PAK5: variants seen among roughly 807,000 people sequenced by gnomAD.
PAK5 encodes serine/threonine-protein kinase PAK 5.
In PAK5, 16 loss-of-function variants were observed where a neutral mutation model predicts 65.9. The observed-to-expected ratio is 0.24, with a 90% CI of 0.16 to 0.37. The LOEUF (loss-of-function observed/expected upper bound fraction) is 0.37. Ranked by LOEUF, PAK5 falls within the 10% of genes least tolerant of loss-of-function variation. PAK5 has a pLI of 1.00. For synonymous variants in PAK5, 371 were observed against 354.9 expected (o/e 1.05, Z -0.51); for missense variants, 785 against 903.9 (o/e 0.87, Z 1.69).
chr20:9,559,587 C>T (rs1024973359), intron 6 of PAK5, among the ~76,000 whole-genome samples: 2 of 152,082 alleles, frequency 1.3e-5, no homozygotes, highest in African/African-American at 4.8e-5. Context: ...CATGGTGAAA[C>T]CCTGTCTCTA....
intron 1 of PAK5, among the ~76,000 whole-genome samples, chr20:9,769,085 C>T (rs1385519030): frequency 1.3e-5 from 2 of 152,196 alleles, no homozygotes; most frequent in East Asian, 3.8e-4. Context: ...CCCTTTAACA[C>T]AGTGAGAACA....
rs147680508 is a variant in PAK5 at position 9,798,396 on chromosome 20, C to G, written c.-162+40366G>C. Among the ~76,000 whole-genome samples the G allele has an allele frequency of 3.7e-3, 565 of 152,154 alleles. 3 individuals are homozygous for G. Among genetic ancestry groups the G allele is most frequent in the African/African-American group, 0.013 (551 of 41,516 alleles). On this transcript the variant is annotated intron_variant, in intron 1 of 9. Coordinates refer to ENST00000353224, the MANE Select transcript of PAK5 (RefSeq NM_177990.4). ...TACTGAATGTAGAGGTTAGACTGTA[C>G]AGGATTCAAAGTACAGGGTTGGCCT... is the stretch of plus-strand genomic sequence containing the variant.
At chr20:9,571,208 T>C (rs2045774603) in intron 4 of PAK5, among the ~76,000 whole-genome samples, 1 of 152,246 alleles carries the variant, frequency 6.6e-6, no homozygotes, top group Non-Finnish European at 1.5e-5. Flanking sequence ...AATAGCTGAC[T>C]CTGTGAAGGA....
At chr20:9,635,330 T>C (rs2123240634) in intron 3 of PAK5, among the ~76,000 whole-genome samples, 1 of 152,278 alleles carries the variant, frequency 6.6e-6, no homozygotes, top group Admixed American at 6.5e-5. Context: ...TCATTTTGTA[T>C]TAGGACAATT....
At chr20:9,577,848 TTTG>T (rs777721283) in intron 4 of PAK5, among the ~76,000 whole-genome samples, 4 of 152,198 alleles carry the variant, frequency 2.6e-5, no homozygotes, top group Admixed American at 6.5e-5. Context: ...TTATGCTGTT[TTTG>T]TTGTTGTTGT....
chr20:9,634,290 C>T (rs1286538145), intron 3 of PAK5, among the ~76,000 whole-genome samples: 2 of 152,264 alleles, frequency 1.3e-5, no homozygotes, highest in Non-Finnish European at 2.9e-5. Flanking sequence ...GCCAAGAGGC[C>T]TGGAGGTGTG....
chr20:9,655,096 C>T (rs150865391), intron 2 of PAK5, among the ~76,000 whole-genome samples: 5 of 152,210 alleles, frequency 3.3e-5, no homozygotes, highest in Non-Finnish European at 7.4e-5. Flanking sequence ...ACTTACTCAT[C>T]CAAGCAGTTC....
At chr20:9,782,536 GT>G (rs1484885063) in intron 1 of PAK5, among the ~76,000 whole-genome samples, 1 of 152,286 alleles carries the variant, frequency 6.6e-6, no homozygotes, top group South Asian at 2.1e-4. Context: ...TGACATGTGG[GT>G]GGCAGGCAGT....
chr20:9,778,443 A>T (rs1303679657), intron 1 of PAK5, among the ~76,000 whole-genome samples: 1 of 145,916 alleles, frequency 6.9e-6, no homozygotes, highest in African/African-American at 2.5e-5. Context: ...TCATCGTATT[A>T]CCCACACTGG....
At chr20:9,735,749 G>T (rs578214526) in intron 1 of PAK5, among the ~76,000 whole-genome samples, 1 of 151,894 alleles carries the variant, frequency 6.6e-6, no homozygotes, top group Admixed American at 6.6e-5. Flanking sequence ...CTGGCCAGGC[G>T]CAGTGGATCA....
intron 1 of PAK5, among the ~76,000 whole-genome samples, chr20:9,775,746 T>G (rs2048881055): frequency 6.6e-6 from 1 of 152,182 alleles, no homozygotes; most frequent in Admixed American, 6.5e-5. Context: ...CATACTTTTC[T>G]TTTAGACAGA....
chr20:9,717,377 C>T (rs906980856), intron 1 of PAK5, among the ~76,000 whole-genome samples: 1 of 152,110 alleles, frequency 6.6e-6, no homozygotes, highest in African/African-American at 2.4e-5. Context: ...ATGGCCTATG[C>T]AGAGTACCTG....
chr20:9,743,951 T>A (rs1173842418), intron 1 of PAK5, among the ~76,000 whole-genome samples: 2 of 152,102 alleles, frequency 1.3e-5, no homozygotes, highest in Non-Finnish European at 2.9e-5. Context: ...ATCATATATA[T>A]CCTTACAACA....
At chr20:9,609,834 A>G (rs1253168537) in intron 3 of PAK5, among the ~76,000 whole-genome samples, 1 of 152,206 alleles carries the variant, frequency 6.6e-6, no homozygotes, top group East Asian at 1.9e-4. Flanking sequence ...TGGATCCTCA[A>G]AAATGGTTCC....
intron 2 of PAK5, among the ~76,000 whole-genome samples, chr20:9,651,266 C>A (rs2047199743): frequency 6.6e-6 from 1 of 152,138 alleles, no homozygotes; most frequent in Non-Finnish European, 1.5e-5. Context: ...TGAACTAAGA[C>A]ATGAAAAGTG....
chr20:9,694,088 T>C (rs1166571500), intron 2 of PAK5, among the ~76,000 whole-genome samples: 2 of 152,050 alleles, frequency 1.3e-5, no homozygotes, highest in Non-Finnish European at 2.9e-5. Context: ...CTACTTACAC[T>C]TTAACTTTGC....
intron 3 of PAK5, among the ~76,000 whole-genome samples, chr20:9,583,633 T>A (rs1190873304): frequency 6.6e-6 from 1 of 152,240 alleles, no homozygotes; most frequent in Non-Finnish European, 1.5e-5. Context: ...TTTGTTGTTT[T>A]TTGAAACTAC....
chr20:9,828,055 C>T (rs1351607414), intron 1 of PAK5, among the ~76,000 whole-genome samples: 4 of 151,996 alleles, frequency 2.6e-5, no homozygotes, highest in African/African-American at 7.2e-5. Context: ...AGGCTGGTCT[C>T]GAACTCTTGA....
intron 2 of PAK5, among the ~76,000 whole-genome samples, chr20:9,665,061 C>T (rs2047395901): frequency 1.4e-5 from 2 of 144,400 alleles, no homozygotes; most frequent in African/African-American, 2.7e-5. Flanking sequence ...AGGTGCACAC[C>T]ACCATGCCCA....
Sources: allele counts gnomAD v4.1 joint callset (sites outside exome capture counted in the v4.1 genomes callset), GRCh38; gene constraint gnomAD v4.1.1; transcripts MANE v1.5; gene names NCBI Gene and HGNC (gene_info 2026-07-23, HGNC 2026-07-21).